TMPRSS13: variants seen among roughly 807,000 people sequenced by gnomAD.
The protein encoded by TMPRSS13 is transmembrane serine protease 13.
In TMPRSS13, 50 loss-of-function variants were observed where a neutral mutation model predicts 68.4. The ratio of observed to expected loss-of-function variants is 0.73; its 90% CI spans 0.58 to 0.93. The LOEUF (loss-of-function observed/expected upper bound fraction) is 0.93. Among genes scored for constraint, TMPRSS13 ranks in the 40% least tolerant of loss-of-function variants. TMPRSS13 has a pLI of 0.00. For missense variants in TMPRSS13, 615 were observed against 729.2 expected, an observed-to-expected ratio of 0.84 and a Z score of 1.80; for synonymous variants, 267 against 285.8, an observed-to-expected ratio of 0.93 and a Z score of 0.66.
rs1324300487 is a variant in TMPRSS13, at chr11:117,914,449, C to T, written c.622G>A (p.Ala208Thr). ...KEQRESCPKH[A>T]VRCDGVVDCK... Reference sequence around the variant, plus strand: ...TCCACCACCCCGTCACAGCGAACAGCGTGCTTGGGACAGCTCTCCCTCTGC... The same window carrying T: ...TCCACCACCCCGTCACAGCGAACAGTGTGCTTGGGACAGCTCTCCCTCTGC... Residue 208 changes from alanine to threonine, a missense_variant, in exon 4 of 13, where the codon GCT (alanine) becomes ACT (threonine). Coordinates refer to ENST00000524993, the MANE Select transcript of TMPRSS13 (RefSeq NM_001077263.3). This position sits in a 1 kb window ranked among gnomAD's most constrained non-coding sequence, Gnocchi z 4.2. 8 of 1,614,078 alleles carry T rather than the reference C, an allele frequency of 5.0e-6. No homozygotes were observed. The highest frequency in any genetic ancestry group is 1.7e-5 in the Admixed American group (1 of 60,016).
At position 117,910,708 on chromosome 11, in the gene TMPRSS13, G is replaced by A. The variant is rs1274757695; in HGVS notation, c.945C>T (p.Ser315=). Residue 315 remains serine, a splice_region_variant and synonymous_variant, in exon 7 of 13, where the codon TCC becomes TCT. Transcript: ENST00000524993. ...AATCCAAGAAGAAGAACATCTTACG[G>A]GAACACTGGAGAGAGATATACCGCT... The part of the protein sequence containing the change: ...PSQRYISLQC[S]HCGLRAMTGR... 4.4e-6 allele frequency: 7 copies of A among 1,608,262 alleles called. No homozygotes were observed. In the African/African-American group the frequency reaches 5.4e-5, roughly 12 times the overall value.
intron 4 of TMPRSS13, 38 bp from the exon 5 acceptor site, chr11:117,913,944 C>T (rs755382625): frequency 6.2e-7 from 1 of 1,603,954 alleles, no homozygotes; most frequent in Non-Finnish European, 8.5e-7. Flanking sequence ...GTCCTCAGCA[C>T]CTAGGAAGCA....
chr11:117,921,108 A>G (rs1273635261), intron 1 of TMPRSS13, among the ~76,000 whole-genome samples: 1 of 152,182 alleles, frequency 6.6e-6, no homozygotes, highest in Non-Finnish European at 1.5e-5. Flanking sequence ...TTTTATAGAT[A>G]TTGAAACAGA....
In TMPRSS13 at chr11:117,914,226, C is replaced by G. The variant is rs560393412; in HGVS notation, c.679+166G>C. Among the ~76,000 whole-genome samples, 1 of 152,242 alleles carries G rather than the reference C, an allele frequency of 6.6e-6. No individual in the cohort carries two copies. Among genetic ancestry groups the G allele is most frequent in the African/African-American group, 2.4e-5 (1 of 41,552 alleles). ...ACATACATGCACACATGCACACACACATACGTGCACACACACATACATGCA... is the reference window on the plus strand; with the variant it reads ...ACATACATGCACACATGCACACACAGATACGTGCACACACACATACATGCA... On this transcript the variant is annotated intron_variant, in intron 4 of 12. Coordinates refer to ENST00000524993, the MANE Select transcript of TMPRSS13 (RefSeq NM_001077263.3). The surrounding 1 kb of genome is among the most constrained non-coding windows in gnomAD (Gnocchi z 4.2).
At position 117,918,582 on chromosome 11, in the gene TMPRSS13, A is replaced by G; in HGVS notation, c.278T>C (p.Leu93Pro). ...GGATGAGGACCTGGAAAGTGATGCC[A>G]GAGCCGGAGATGCCCGGGCTGGAGA... ...QASPARASPA[L>P]ASLSRSSSGR... Residue 93 changes from leucine to proline, a missense_variant, in exon 2 of 13, where the codon CTG becomes CCG. Physicochemically the swap from Leu to Pro is moderately conservative, Grantham distance 98 (BLOSUM62 -3). Coordinates refer to ENST00000524993, the MANE Select transcript of TMPRSS13 (RefSeq NM_001077263.3). The G allele has an allele frequency of 6.8e-6, 11 of 1,613,928 alleles. No individual in the cohort carries two copies. The highest frequency in any genetic ancestry group is 9.3e-6 in the Non-Finnish European group (11 of 1,179,940).
In TMPRSS13 at chr11:117,918,775, T is replaced by A. The variant is rs373187975; in HGVS notation, c.85A>T (p.Thr29Ser). 1.7e-5 allele frequency: 28 copies of A among 1,611,664 alleles called. No homozygotes were observed. Among genetic ancestry groups the A allele is most frequent in the Non-Finnish European group, 2.2e-5 (26 of 1,179,398 alleles). Residue 29 changes from threonine (T) to serine (S), a missense_variant, in exon 2 of 13, where the codon ACA becomes TCA. Thr to Ser is a moderately conservative substitution (Grantham distance 58). Transcript: ENST00000524993. ...GCTGGAGATGCCCGGCCTGGAGGTGTCCCAGCTGGAGATGCCTGGGCTGGA... is the reference window on the plus strand; with the variant it reads ...GCTGGAGATGCCCGGCCTGGAGGTGACCCAGCTGGAGATGCCTGGGCTGGA... ...ASPAQASPAG[T>S]PPGRASPAQA...
At chr11:117,910,101 C>A (rs2057507032) in intron 7 of TMPRSS13, 133 bp from the exon 8 acceptor site, 2 of 1,075,996 alleles carry the variant, frequency 1.9e-6, no homozygotes, top group Non-Finnish European at 2.7e-6. Context: ...AGGGCACCCA[C>A]CCTTCCATGG....
At chr11:117,925,723 T>C (rs943082945) in intron 1 of TMPRSS13, among the ~76,000 whole-genome samples, 4 of 152,228 alleles carry the variant, frequency 2.6e-5, no homozygotes, top group Non-Finnish European at 5.9e-5. Context: ...CCCTGCCCAC[T>C]TGGCCAGGCA....
At chr11:117,923,877 G>GA (rs1479555432) in intron 1 of TMPRSS13, among the ~76,000 whole-genome samples, 1 of 141,396 alleles carries the variant, frequency 7.1e-6, no homozygotes. Flanking sequence ...TAGTCCTGAA[G>GA]AATGTCCAGC....
At position 117,922,271 on chromosome 11, in the gene TMPRSS13, TGTCGCCAGGCTGGAGTACA is replaced by T. The variant is rs1025638765; in HGVS notation, c.22-3452_22-3434del. Among the ~76,000 whole-genome samples the T allele has an allele frequency of 7.9e-5, 12 of 152,328 alleles. No individual in the cohort carries two copies. The highest frequency in any genetic ancestry group is 4.6e-4 in the Admixed American group (7 of 15,310). On this transcript the variant is annotated intron_variant, in intron 1 of 12. Coordinates refer to ENST00000524993, the MANE Select transcript of TMPRSS13 (RefSeq NM_001077263.3). The surrounding 1 kb of genome is among the most constrained non-coding windows in gnomAD (Gnocchi z 4.2). ...TTTGCTTTGAGACAGAGTCTCACTC[TGTCGCCAGGCTGGAGTACA>T]GTGGCGTGATCTCGGCTCACTGCAA...
At chr11:117,927,084 C>G (rs191472122) in intron 1 of TMPRSS13, among the ~76,000 whole-genome samples, 11 of 152,342 alleles carry the variant, frequency 7.2e-5, no homozygotes, top group African/African-American at 2.4e-4. Flanking sequence ...GTAAACTACT[C>G]TTGTTAACAA....
intron 3 of TMPRSS13, among the ~76,000 whole-genome samples, chr11:117,916,256 G>A (rs529794269): frequency 1.3e-5 from 2 of 152,304 alleles, no homozygotes; most frequent in East Asian, 3.9e-4. Context: ...TCTCCACTTT[G>A]GTTAGGCGGG....
rs1241322316 is a variant in TMPRSS13, at chr11:117,914,670, C to A, written c.557-156G>T. Among the ~76,000 whole-genome samples the A allele has an allele frequency of 2.0e-5, 3 of 152,106 alleles. No homozygotes were observed. Among genetic ancestry groups the A allele is most frequent in the African/African-American group, 7.2e-5 (3 of 41,404 alleles). ...CATCTGTATGGAGAGAAAGGCTGCT[C>A]AGGAATGCTCCAGAATGCTCCAGAA... On this transcript the variant is annotated intron_variant, in intron 3 of 12. Transcript: ENST00000524993. This position sits in a 1 kb window ranked among gnomAD's most constrained non-coding sequence, Gnocchi z 4.2.
chr11:117,912,607 A>C (rs1175276996), intron 5 of TMPRSS13, among the ~76,000 whole-genome samples: 1 of 152,150 alleles, frequency 6.6e-6, no homozygotes, highest in African/African-American at 2.4e-5. Flanking sequence ...CTGGCATGAC[A>C]CTTAGCACAC....
chr11:117,913,116 A>C (rs1404018433), intron 5 of TMPRSS13, among the ~76,000 whole-genome samples: 1 of 152,116 alleles, frequency 6.6e-6, no homozygotes, highest in Non-Finnish European at 1.5e-5. Flanking sequence ...CCACAACCTC[A>C]CACACACTGA....
At chr11:117,919,486 C>T (rs1299762114) in intron 1 of TMPRSS13, among the ~76,000 whole-genome samples, 1 of 152,272 alleles carries the variant, frequency 6.6e-6, no homozygotes, top group Non-Finnish European at 1.5e-5. Flanking sequence ...GAAGGCCCTG[C>T]CCTTCCCTCC....
intron 12 of TMPRSS13, 107 bp from the exon 13 acceptor site, chr11:117,902,372 A>C: frequency 8.3e-7 from 1 of 1,202,560 alleles, no homozygotes; most frequent in East Asian, 2.4e-5. Flanking sequence ...GCTGTCACCT[A>C]GCACTGCCTC....
At chr11:117,908,563 G>T in intron 9 of TMPRSS13, 49 bp downstream of exon 9, 2 of 1,539,638 alleles carry the variant, frequency 1.3e-6, no homozygotes, top group South Asian at 2.4e-5. Context: ...GGGCTGCAGA[G>T]GGTGCTGGGG....
intron 10 of TMPRSS13, 29 bp from the exon 11 acceptor site, chr11:117,904,130 A>AG: frequency 6.2e-7 from 1 of 1,608,914 alleles, no homozygotes; most frequent in African/African-American, 1.3e-5. Context: ...GAGGAGACAG[A>AG]GGATGGGAAG....
Sources: gnomAD v4.1 joint callset for allele counts (sites outside exome capture counted in the v4.1 genomes callset) on GRCh38, gnomAD v4.1.1 for gene constraint, Gnocchi (gnomAD v3.1) non-coding constraint, MANE v1.5 for transcripts, NCBI Gene and HGNC (gene_info 2026-07-23, HGNC 2026-07-21) for gene names.